STK32A: variants seen among roughly 807,000 people sequenced by gnomAD.
The protein encoded by STK32A is serine/threonine kinase 32A, also known as serine/threonine-protein kinase 32A.
A neutral mutation model predicts 53.2 loss-of-function variants in STK32A; 41 were observed. That is an observed-to-expected ratio of 0.77 (90% CI 0.60 to 1.00). The LOEUF is 1.00. Among genes scored for constraint, STK32A ranks in the 50% least tolerant of loss-of-function variants. The probability of loss-of-function intolerance (pLI) is 0.00; values close to 1 mark genes in which losing one functional copy is unlikely to be tolerated. For synonymous variants in STK32A, 166 were observed against 162.8 expected, an observed-to-expected ratio of 1.02 and a Z score of -0.15; for missense variants, 458 against 485.8, an observed-to-expected ratio of 0.94 and a Z score of 0.54.
intron 8 of STK32A, among the ~76,000 whole-genome samples, chr5:147,370,387 G>C (rs984606465): frequency 6.6e-6 from 1 of 152,102 alleles, no homozygotes; most frequent in East Asian, 1.9e-4. Context: ...CCACTTGAAT[G>C]TTTTGTTTGG....
chr5:147,263,986 A>G (rs1051251132), intron 2 of STK32A, among the ~76,000 whole-genome samples: 2 of 152,232 alleles, frequency 1.3e-5, no homozygotes, highest in Non-Finnish European at 2.9e-5. Context: ...AAGTAGCTCT[A>G]GACTTCTCAA....
chr5:147,321,809 T>C (rs1422101475), intron 4 of STK32A, among the ~76,000 whole-genome samples: 2 of 152,220 alleles, frequency 1.3e-5, no homozygotes, highest in Admixed American at 1.3e-4. Context: ...CTCTGTATGC[T>C]AACCCGGTCT....
chr5:147,264,013 G>T (rs998675903), intron 2 of STK32A, among the ~76,000 whole-genome samples: 1 of 152,098 alleles, frequency 6.6e-6, no homozygotes, highest in African/African-American at 2.4e-5. Context: ...TGTGTGGAAA[G>T]GTAGAAGATA....
At chr5:147,318,775 CAAAA>C (rs5872017) in intron 4 of STK32A, among the ~76,000 whole-genome samples, 4 of 135,416 alleles carry the variant, frequency 3.0e-5, no homozygotes, top group Admixed American at 1.5e-4. Context: ...GACCCTGTCT[CAAAA>C]AAAAAAAAAA....
At chr5:147,400,775 T>C in the STK32A span, 4 of 1,614,070 alleles carry the variant, frequency 2.5e-6, no homozygotes, top group African/African-American at 2.7e-5. Flanking sequence ...TCCTTCCCAA[T>C]TGCTTTCTGG....
chr5:147,360,252 C>T (rs1046930348), intron 7 of STK32A, among the ~76,000 whole-genome samples: 3 of 151,754 alleles, frequency 2.0e-5, no homozygotes, highest in Non-Finnish European at 2.9e-5. Context: ...GAGTTCAAGA[C>T]CAGTCTGGGC....
At chr5:147,378,649 G>T (rs1198963205) in intron 11 of STK32A, among the ~76,000 whole-genome samples, 2 of 151,960 alleles carry the variant, frequency 1.3e-5, no homozygotes, top group African/African-American at 4.8e-5. Context: ...AGAGTCAAGT[G>T]TTGGCAAGGG....
the STK32A span, chr5:147,395,521 C>G: frequency 1.3e-6 from 2 of 1,578,936 alleles, no homozygotes; most frequent in South Asian, 2.3e-5. Flanking sequence ...CTTCCCCTTC[C>G]CCCTTCTCTT....
intron 4 of STK32A, among the ~76,000 whole-genome samples, chr5:147,292,666 C>A (rs562423550): frequency 6.6e-6 from 1 of 151,994 alleles, no homozygotes; most frequent in Non-Finnish European, 1.5e-5. Flanking sequence ...GTCGGGAGTT[C>A]GAGACCAGCC....
downstream of STK32A, among the ~76,000 whole-genome samples, chr5:147,388,346 G>A (rs1192214301): frequency 6.6e-5 from 10 of 152,202 alleles, no homozygotes; most frequent in Admixed American, 6.5e-4. Context: ...AAAGGGCACT[G>A]TCACCACCTC....
intron 5 of STK32A, among the ~76,000 whole-genome samples, chr5:147,339,385 A>C (rs1380900980): frequency 1.3e-5 from 2 of 152,216 alleles, no homozygotes; most frequent in African/African-American, 4.8e-5. Flanking sequence ...AAATGCCTAG[A>C]TGTCCCGACA....
chr5:147,395,863 A>C, the STK32A span: 1 of 1,052,334 alleles, frequency 9.5e-7, no homozygotes, highest in Non-Finnish European at 1.4e-6. Context: ...GGAAGGGAGA[A>C]GTAGTATAAA....
intron 4 of STK32A, among the ~76,000 whole-genome samples, chr5:147,288,850 C>G (rs1752467642): frequency 6.6e-6 from 1 of 152,116 alleles, no homozygotes; most frequent in South Asian, 2.1e-4. Context: ...TAATTTACTT[C>G]ATCATTTTTA....
intron 2 of STK32A, among the ~76,000 whole-genome samples, chr5:147,251,768 T>C (rs1580989223): frequency 1.4e-5 from 2 of 141,932 alleles, no homozygotes; most frequent in East Asian, 2.0e-4. Flanking sequence ...TAATGAAGTA[T>C]TGGGGGGTTC....
chr5:147,379,015 G>A (rs569920407), intron 11 of STK32A, among the ~76,000 whole-genome samples: 9 of 151,384 alleles, frequency 5.9e-5, no homozygotes, highest in Non-Finnish European at 1.3e-4. Context: ...AATTACTTTA[G>A]GCAGTATGGC....
intron 11 of STK32A, among the ~76,000 whole-genome samples, chr5:147,378,647 G>A (rs989095505): frequency 1.3e-5 from 2 of 151,962 alleles, no homozygotes; most frequent in African/African-American, 4.8e-5. Flanking sequence ...AAAGAGTCAA[G>A]TGTTGGCAAG....
intron 5 of STK32A, among the ~76,000 whole-genome samples, chr5:147,341,886 A>T (rs1372945181): frequency 1.3e-5 from 2 of 152,204 alleles, no homozygotes; most frequent in African/African-American, 2.4e-5. Context: ...AGTAAAAAAA[A>T]TTCACAGGAG....
chr5:147,343,028 T>C lies in STK32A; in HGVS notation c.457T>C (p.Leu153=). The C allele has an allele frequency of 6.2e-7, 1 of 1,613,504 alleles. No homozygotes were observed. The highest frequency in any genetic ancestry group is 8.5e-7 in the Non-Finnish European group (1 of 1,179,750). Residue 153 remains leucine (L), a synonymous_variant, in exon 6 of 13, where the codon TTA becomes CTA. Coordinates refer to ENST00000397936, the MANE Select transcript of STK32A (RefSeq NM_001112724.2). The part of the protein sequence containing the change: ...IHRDMKPDNI[L]LDEHGHVHIT... The stretch of plus-strand genomic sequence containing the variant: ...TAGGGATATGAAGCCTGACAATATT[T>C]TACTTGACGAACATGGTAAGTGAGT...
In STK32A at chr5:147,336,563, T is replaced by G. The variant is rs17106470; in HGVS notation, c.435-6443T>G. Among the ~76,000 whole-genome samples the G allele has an allele frequency of 0.014, 2,119 of 152,310 alleles. 142 individuals are homozygous for G. The East Asian group carries it at 0.2, about 14-fold the overall frequency. ...CCCACTATATTTCAGTAAACTTTAC[T>G]ATGCTAAGCTCTAGAGAGTTTAGAT... On this transcript the variant is annotated intron_variant, in intron 5 of 12. Transcript: ENST00000397936.
Sources: allele counts gnomAD v4.1 joint callset (sites outside exome capture counted in the v4.1 genomes callset), GRCh38; gene constraint gnomAD v4.1.1; transcripts MANE v1.5; gene names NCBI Gene and HGNC (gene_info 2026-07-23, HGNC 2026-07-21).